The following BMAL1 variants were observed in gnomAD, a reference collection of about 807,000 sequenced individuals.
BMAL1 encodes basic helix-loop-helix ARNT like 1, also known as basic helix-loop-helix ARNT-like protein 1.
the BMAL1 span, among the ~76,000 whole-genome samples, chr11:13,294,136 A>G: frequency 1.3e-4 from 20 of 152,224 alleles, no homozygotes; most frequent in South Asian, 4.1e-4. Flanking sequence ...TTTTAACTTC[A>G]TGAAGGGTTT....
chr11:13,372,150 C>T, the BMAL1 span: 1 of 1,613,016 alleles, frequency 6.2e-7, no homozygotes, highest in South Asian at 1.1e-5. Context: ...TAACCACGAA[C>T]TTTGCTTTCT....
chr11:13,280,781 C>T, the BMAL1 span, among the ~76,000 whole-genome samples: 1 of 152,208 alleles, frequency 6.6e-6, no homozygotes, highest in East Asian at 1.9e-4. Context: ...CCTGCTCTGA[C>T]TCAACCCCCT....
the BMAL1 span, among the ~76,000 whole-genome samples, chr11:13,343,797 T>C: frequency 6.6e-6 from 1 of 152,172 alleles, no homozygotes; most frequent in Non-Finnish European, 1.5e-5. Context: ...TGGGATTCTG[T>C]GGACTCTCCT....
At chr11:13,384,275 G>T in the BMAL1 span, among the ~76,000 whole-genome samples, 5 of 152,158 alleles carry the variant, frequency 3.3e-5, no homozygotes, top group Non-Finnish European at 5.9e-5. Context: ...AAAAAATGTT[G>T]TTGATGAGAT....
the BMAL1 span, chr11:13,369,535 A>G: frequency 1.1e-5 from 17 of 1,528,816 alleles, no homozygotes; most frequent in South Asian, 1.2e-5. Flanking sequence ...GCAGGCAAGA[A>G]AAGGCTTTGC....
the BMAL1 span, among the ~76,000 whole-genome samples, chr11:13,304,219 C>T: frequency 2.6e-5 from 4 of 152,064 alleles, no homozygotes; most frequent in Admixed American, 2.0e-4. Context: ...AGGGGAGAAG[C>T]GGGCGTTTGC....
At chr11:13,287,060 A>G in the BMAL1 span, among the ~76,000 whole-genome samples, 8 of 152,180 alleles carry the variant, frequency 5.3e-5, no homozygotes, top group South Asian at 4.1e-4. Context: ...TGCAGTGGTG[A>G]AAAGTACCTG....
chr11:13,304,412 A>G, the BMAL1 span, among the ~76,000 whole-genome samples: 1 of 152,226 alleles, frequency 6.6e-6, no homozygotes, highest in Non-Finnish European at 1.5e-5. Flanking sequence ...GCTTTGCCTA[A>G]TGAGTATTAG....
At chr11:13,293,032 G>C in the BMAL1 span, among the ~76,000 whole-genome samples, 3 of 152,184 alleles carry the variant, frequency 2.0e-5, no homozygotes, top group Admixed American at 6.5e-5. Flanking sequence ...CTAGCGGTCT[G>C]CTGTGTTGTG....
chr11:13,383,531 A>C, the BMAL1 span, among the ~76,000 whole-genome samples: 110 of 152,282 alleles, frequency 7.2e-4, no homozygotes, highest in Middle Eastern at 0.01. Flanking sequence ...GTAAAAAAAT[A>C]GTTTAAAGCC....
At chr11:13,282,358 T>C in the BMAL1 span, among the ~76,000 whole-genome samples, 4 of 152,240 alleles carry the variant, frequency 2.6e-5, no homozygotes, top group African/African-American at 7.2e-5. Flanking sequence ...TTGGAAAAAG[T>C]GTGCCAGTCT....
At chr11:13,363,774 C>T in the BMAL1 span, among the ~76,000 whole-genome samples, 3 of 152,200 alleles carry the variant, frequency 2.0e-5, no homozygotes, top group African/African-American at 4.8e-5. Flanking sequence ...GCACCATCTT[C>T]CCAAGAGTGA....
the BMAL1 span, chr11:13,376,653 G>A: frequency 6.2e-7 from 1 of 1,614,074 alleles, no homozygotes; most frequent in South Asian, 1.1e-5. Context: ...CAACGTCCTG[G>A]AAGGCGGGGA....
chr11:13,365,716 C>T, the BMAL1 span: 1 of 670,108 alleles, frequency 1.5e-6, no homozygotes, highest in Non-Finnish European at 2.5e-6. Flanking sequence ...TTCTTAACTT[C>T]TTAACAGATA....
the BMAL1 span, among the ~76,000 whole-genome samples, chr11:13,338,140 T>G: frequency 1.3e-5 from 2 of 152,146 alleles, no homozygotes; most frequent in Non-Finnish European, 2.9e-5. Context: ...TGATACTCAC[T>G]ATATCCAAAG....
the BMAL1 span, among the ~76,000 whole-genome samples, chr11:13,364,653 G>A: frequency 6.6e-6 from 1 of 152,290 alleles, no homozygotes; most frequent in Non-Finnish European, 1.5e-5. Context: ...GGAAGGCAGT[G>A]GGTGGGATTC....
chr11:13,313,432 C>T, the BMAL1 span, among the ~76,000 whole-genome samples: 4 of 152,240 alleles, frequency 2.6e-5, no homozygotes, highest in Non-Finnish European at 4.4e-5. Flanking sequence ...TGGTCTGCCC[C>T]GAGGGCACCT....
the BMAL1 span, chr11:13,385,832 C>CAA: frequency 6.9e-7 from 1 of 1,451,540 alleles, no homozygotes; most frequent in Non-Finnish European, 9.7e-7. Context: ...AATGAGCTTG[C>CAA]AAAACATCTT....
At chr11:13,343,670 C>T in the BMAL1 span, among the ~76,000 whole-genome samples, 79 of 152,320 alleles carry the variant, frequency 5.2e-4, no homozygotes, top group African/African-American at 1.9e-3. Context: ...TTTTATCATT[C>T]AGCAAACTGA....
Sources: gnomAD v4.1 joint callset for allele counts (sites outside exome capture counted in the v4.1 genomes callset) on GRCh38, gnomAD v4.1.1 for gene constraint, MANE v1.5 for transcripts, NCBI Gene and HGNC (gene_info 2026-07-23, HGNC 2026-07-21) for gene names.